NYAP2: variants seen among roughly 807,000 people sequenced by gnomAD.
The protein encoded by NYAP2 is neuronal tyrosine-phosphorylated phosphoinositide-3-kinase adaptor 2.
NYAP2 carries 23 observed loss-of-function variants against 50.4 expected under a neutral mutation model. The observed-to-expected ratio is 0.46, with a 90% CI of 0.33 to 0.65. The LOEUF (loss-of-function observed/expected upper bound fraction) is 0.65, where lower values mean the gene tolerates loss of function less well. Among genes scored for constraint, NYAP2 ranks in the 30% least tolerant of loss-of-function variants. NYAP2 has a pLI of 0.02. For synonymous variants in NYAP2, 394 were observed against 365.2 expected (o/e 1.08, Z -0.90); for missense variants, 885 against 861.0 (o/e 1.03, Z -0.35).
chr2:225,409,790 TA>T (rs1244127619), intron 3 of NYAP2, among the ~76,000 whole-genome samples: 1 of 152,066 alleles, frequency 6.6e-6, no homozygotes, highest in Non-Finnish European at 1.5e-5. Flanking sequence ...AAAAGAATGT[TA>T]CAATGTTTTC....
intron 3 of NYAP2, among the ~76,000 whole-genome samples, chr2:225,467,638 A>G (rs1013854468): frequency 6.6e-6 from 1 of 152,152 alleles, no homozygotes; most frequent in Non-Finnish European, 1.5e-5. Context: ...TTCTAGACCA[A>G]TCAATTAGCA....
At chr2:225,637,312 C>A (rs559090792) in intron 6 of NYAP2, among the ~76,000 whole-genome samples, 1 of 152,252 alleles carries the variant, frequency 6.6e-6, no homozygotes, top group South Asian at 2.1e-4. Flanking sequence ...GCAAACCAAT[C>A]TGTTGGAGTT....
chr2:225,637,124 T>A (rs944489445), intron 6 of NYAP2, among the ~76,000 whole-genome samples: 5 of 152,202 alleles, frequency 3.3e-5, no homozygotes, highest in African/African-American at 1.2e-4. Context: ...AAGTAGAGTA[T>A]GCTCATTGAC....
exon 7 of NYAP2, chr2:225,652,302 A>G (rs978457941): frequency 1.3e-5 from 2 of 152,210 alleles, no homozygotes; most frequent in African/African-American, 4.8e-5. Context: ...CTCTTATACC[A>G]ACAATATCAG....
chr2:225,570,369 A>T (rs72976444), intron 4 of NYAP2, among the ~76,000 whole-genome samples: 8,889 of 152,276 alleles, frequency 0.058, 376 homozygotes, highest in South Asian at 0.12. Context: ...ATAAGAAACT[A>T]TATTTGTCCA....
the NYAP2 span, among the ~76,000 whole-genome samples, chr2:225,665,045 A>G: frequency 1.3e-5 from 2 of 152,340 alleles, no homozygotes; most frequent in East Asian, 3.9e-4. Context: ...TGAGAACAGA[A>G]GGGATTATGA....
chr2:225,437,739 A>C (rs973364085), intron 3 of NYAP2, among the ~76,000 whole-genome samples: 2 of 152,240 alleles, frequency 1.3e-5, no homozygotes, highest in African/African-American at 4.8e-5. Flanking sequence ...CCTTCAGATG[A>C]GGAAGCTCAG....
intron 3 of NYAP2, among the ~76,000 whole-genome samples, chr2:225,471,775 T>A (rs1180846632): frequency 6.6e-6 from 1 of 152,194 alleles, no homozygotes; most frequent in Non-Finnish European, 1.5e-5. Context: ...CTTCTAAATG[T>A]GCACAGCAAA....
At chr2:225,596,036 T>C (rs1249570188) in intron 5 of NYAP2, among the ~76,000 whole-genome samples, 3 of 152,184 alleles carry the variant, frequency 2.0e-5, no homozygotes, top group Admixed American at 1.3e-4. Flanking sequence ...TATATTTTTT[T>C]GAGAGATGGG....
chr2:225,633,400 G>A (rs1057512060), intron 6 of NYAP2, among the ~76,000 whole-genome samples: 6 of 152,196 alleles, frequency 3.9e-5, no homozygotes, highest in African/African-American at 9.6e-5. Context: ...TCTAAGATGA[G>A]ATGCTAATTG....
At chr2:225,554,907 T>C (rs1691750101) in intron 4 of NYAP2, among the ~76,000 whole-genome samples, 1 of 152,150 alleles carries the variant, frequency 6.6e-6, no homozygotes. Context: ...ATTTTAAATA[T>C]ACATGATAAA....
At chr2:225,593,607 A>G (rs1692549526) in intron 5 of NYAP2, among the ~76,000 whole-genome samples, 1 of 152,186 alleles carries the variant, frequency 6.6e-6, no homozygotes, top group South Asian at 2.1e-4. Context: ...ATTCCAATGC[A>G]TTGTGAAGAT....
At chr2:225,575,501 C>T (rs982282598) in intron 4 of NYAP2, among the ~76,000 whole-genome samples, 4 of 152,218 alleles carry the variant, frequency 2.6e-5, no homozygotes, top group African/African-American at 9.6e-5. Context: ...TAAGGTAGCT[C>T]AGGCAGATGT....
intron 3 of NYAP2, among the ~76,000 whole-genome samples, chr2:225,482,893 G>C (rs1038035011): frequency 9.9e-5 from 15 of 152,166 alleles, no homozygotes; most frequent in African/African-American, 3.6e-4. Flanking sequence ...ACGGAGAGAA[G>C]ACAAAGCCCA....
the NYAP2 span, among the ~76,000 whole-genome samples, chr2:225,685,757 C>T: frequency 6.6e-6 from 1 of 152,068 alleles, no homozygotes; most frequent in East Asian, 1.9e-4. Context: ...TGTATGTGGA[C>T]ACAAACATAG....
At chr2:225,683,630 G>A in the NYAP2 span, among the ~76,000 whole-genome samples, 5 of 152,220 alleles carry the variant, frequency 3.3e-5, no homozygotes, top group East Asian at 9.7e-4. Flanking sequence ...GTCTCTTTTA[G>A]ACAACAGGTA....
At chr2:225,622,213 G>T (rs1028703622) in intron 5 of NYAP2, among the ~76,000 whole-genome samples, 2 of 151,978 alleles carry the variant, frequency 1.3e-5, no homozygotes, top group African/African-American at 2.4e-5. Context: ...TATCTTCTTT[G>T]TAGAGACAGT....
chr2:225,655,519 T>G (rs1447471846), downstream of NYAP2, among the ~76,000 whole-genome samples: 1 of 152,200 alleles, frequency 6.6e-6, no homozygotes, highest in Non-Finnish European at 1.5e-5. Flanking sequence ...GTATTATACT[T>G]GGAGCACGTT....
intron 4 of NYAP2, among the ~76,000 whole-genome samples, chr2:225,575,876 A>G (rs770912633): frequency 6.6e-6 from 1 of 152,200 alleles, no homozygotes; most frequent in Non-Finnish European, 1.5e-5. Context: ...GGGAATTTCT[A>G]TATGCTTAAA....
Sources: allele counts gnomAD v4.1 joint callset (sites outside exome capture counted in the v4.1 genomes callset), GRCh38; gene constraint gnomAD v4.1.1; transcripts MANE v1.5; gene names NCBI Gene and HGNC (gene_info 2026-07-23, HGNC 2026-07-21).